The following MED16 variants were observed in gnomAD, a reference collection of about 807,000 sequenced individuals.
MED16 encodes the protein mediator complex subunit 16, also known as mediator of RNA polymerase II transcription subunit 16.
A neutral mutation model predicts 84.4 loss-of-function variants in MED16; 81 were observed. The observed-to-expected ratio is 0.96, with a 90% CI of 0.80 to 1.15. MED16 has a LOEUF of 1.15. MED16 is among the 50% of genes most tolerant of loss of function. MED16 has a pLI of 0.00. For missense variants in MED16, 1,585 were observed against 1,245.9 expected (o/e 1.27, Z -4.10); for synonymous variants, 897 against 552.2 (o/e 1.62, Z -8.76).
Position 871,240 on chromosome 19 carries a change from G to C in MED16, c.2112C>G (p.Gly704=), listed in dbSNP as rs2036045247. The change falls in exon 13 of 16, where the codon GGC becomes GGG. Residue 704 remains glycine, a synonymous_variant. Transcript: ENST00000325464. ...TKLWICCRDE[G]PASEPDEALV... Reference sequence around the variant, plus strand: ...GCGCCTCGTCCGGCTCGCTCGCTGGGCCCTCATCGCGACCTGCGGAGAGAG... The same window carrying C: ...GCGCCTCGTCCGGCTCGCTCGCTGGCCCCTCATCGCGACCTGCGGAGAGAG... 6.5e-7 allele frequency: 1 copy of C among 1,538,834 alleles called. No homozygotes were observed. Among genetic ancestry groups the C allele is most frequent in the Non-Finnish European group, 8.8e-7 (1 of 1,138,488 alleles).
At chr19:884,005 G>T (rs569620954) in intron 6 of MED16, among the ~76,000 whole-genome samples, 1 of 152,088 alleles carries the variant, frequency 6.6e-6, no homozygotes. Context: ...CGGCCACAAT[G>T]GGCAGTTGAC....
At chr19:869,004 C>T (rs748554299) in intron 13 of MED16, 58 bp from the exon 14 acceptor site, 37 of 1,440,150 alleles carry the variant, frequency 2.6e-5, no homozygotes, top group Non-Finnish European at 3.4e-5. Flanking sequence ...CAGGTTCCGG[C>T]AGGGGCATCT....
intron 2 of MED16, 48 bp downstream of exon 2, chr19:890,915 C>A: frequency 6.3e-7 from 1 of 1,592,224 alleles, no homozygotes; most frequent in South Asian, 1.1e-5. Flanking sequence ...GGGAACAGGG[C>A]GGGACACCAT....
At chr19:885,648 C>T (rs1422472500) in intron 5 of MED16, 122 bp downstream of exon 5, 26 of 1,186,928 alleles carry the variant, frequency 2.2e-5, no homozygotes, top group Non-Finnish European at 2.9e-5. Flanking sequence ...CGGGAGGGAC[C>T]GGCCCTGCCC....
intron 14 of MED16, 108 bp from the exon 15 acceptor site, chr19:868,607 G>T: frequency 2.1e-6 from 3 of 1,434,302 alleles, no homozygotes; most frequent in Non-Finnish European, 2.8e-6. Context: ...CGTCCCTCAC[G>T]CCTGCTCCCC....
intron 4 of MED16, among the ~76,000 whole-genome samples, chr19:889,185 T>TC (rs200150591): frequency 0.011 from 1,307 of 119,628 alleles, 28 homozygotes; most frequent in African/African-American, 0.036. Context: ...ATCTTAACTG[T>TC]CCCCCCCAAC....
intron 8 of MED16, among the ~76,000 whole-genome samples, chr19:879,520 T>A (rs1228373327): frequency 9.2e-6 from 1 of 108,954 alleles, no homozygotes; most frequent in Non-Finnish European, 1.7e-5. Context: ...CGCCTTTCCC[T>A]GGTTGTCAAT....
intron 12 of MED16, 131 bp from the exon 13 acceptor site, chr19:871,384 G>A (rs1466032493): frequency 1.5e-6 from 2 of 1,307,512 alleles, no homozygotes; most frequent in Non-Finnish European, 2.1e-6. Flanking sequence ...CTGGCTGGGT[G>A]ACCCCGGGGT....
chr19:868,325 CAG>C lies in MED16; in HGVS notation c.2484-76_2484-75del, dbSNP rs754108976. On this transcript the variant is annotated intron_variant, in intron 15 of 15. Coordinates refer to ENST00000325464, the MANE Select transcript of MED16 (RefSeq NM_005481.3). ...CGGTGGCTCTTGCAGCAGCCGGGCTCAGGGGCAGCTGAGGGGTAGCTGAGGAG... is the reference window on the plus strand; with the variant it reads ...CGGTGGCTCTTGCAGCAGCCGGGCTCGGGCAGCTGAGGGGTAGCTGAGGAG... 2.7e-3 allele frequency: 4,239 copies of C among 1,557,004 alleles called. 11 individuals are homozygous for C. Among genetic ancestry groups the C allele is most frequent in the Middle Eastern group, 6.0e-3 (34 of 5,712 alleles).
At chr19:890,895 C>T (rs746804306) in intron 2 of MED16, 68 bp downstream of exon 2, 13 of 1,534,050 alleles carry the variant, frequency 8.5e-6, no homozygotes, top group African/African-American at 4.1e-5. Context: ...GGCAGTGGGC[C>T]GGGCACCTGG....
chr19:876,501 C>T (rs1249866152), intron 9 of MED16, among the ~76,000 whole-genome samples: 5 of 152,176 alleles, frequency 3.3e-5, no homozygotes, highest in African/African-American at 4.8e-5. Flanking sequence ...AGAGGGGAGC[C>T]GTCCAGGGGG....
In MED16 at chr19:871,174, G is replaced by T. The variant is rs1357331086; in HGVS notation, c.2178C>A (p.Ile726=). Residue 726 remains isoleucine (I), a synonymous_variant, in exon 13 of 16, where the codon ATC becomes ATA. Coordinates refer to ENST00000325464, the MANE Select transcript of MED16 (RefSeq NM_005481.3). ...ECCLLPSQLL[I]PSLDWLPASD... ...TGGCTGGCAGCCAGTCCAGGCTGGG[G>T]ATAAGCAGCTGGCTGGGCAGCAGGC... The T allele has an allele frequency of 3.2e-6, 5 of 1,549,324 alleles. No individual in the cohort carries two copies. In the South Asian group the frequency reaches 3.6e-5, roughly 11 times the overall value.
chr19:891,759 G>A (rs1438534690), intron 1 of MED16, among the ~76,000 whole-genome samples: 1 of 94,756 alleles, frequency 1.1e-5, no homozygotes, highest in Non-Finnish European at 2.1e-5. Context: ...AACACCTGTG[G>A]CCGAGGCGGG....
intron 13 of MED16, among the ~76,000 whole-genome samples, chr19:870,395 T>C (rs1235316350): frequency 6.6e-6 from 1 of 151,982 alleles, no homozygotes; most frequent in Non-Finnish European, 1.5e-5. Flanking sequence ...ACCGCCTCTA[T>C]ACCAAAAATA....
At position 890,159 on chromosome 19, in the gene MED16, G is replaced by A. The variant is rs532960163; in HGVS notation, c.255C>T (p.Thr85=). 14 of 1,550,964 alleles carry A rather than the reference G, an allele frequency of 9.0e-6. No homozygotes were observed. In the Admixed American group the frequency reaches 2.7e-4, roughly 30 times the overall value. Residue 85 remains threonine, a synonymous_variant, in exon 3 of 16, where the codon ACC becomes ACT. Transcript: ENST00000325464. Reference sequence around the variant, plus strand: ...CACCTGACTGGTCCCACTCCAGGCAGGTGATGGCCTCGTGGTGCTCTGAGG... The same window carrying A: ...CACCTGACTGGTCCCACTCCAGGCAAGTGATGGCCTCGTGGTGCTCTGAGG... ...SIPSEHHEAI[T]CLEWDQSGSR...
intron 1 of MED16, 197 bp downstream of exon 1, chr19:892,868 ACCCTGAGCCCCGAGCCCCGCG>A (rs1225476298): frequency 5.3e-5 from 7 of 132,106 alleles, no homozygotes; most frequent in Non-Finnish European, 4.9e-5. Flanking sequence ...TCCGCCGCAA[ACCCTGAGCCCCGAGCCCCGCG>A]CCCCGCGCCC....
At position 890,981 on chromosome 19, in the gene MED16, G is replaced by A. The variant is rs2036620287; in HGVS notation, c.151C>T (p.Leu51=). The A allele has an allele frequency of 1.2e-6, 2 of 1,613,880 alleles. No individual in the cohort carries two copies. Among genetic ancestry groups the A allele is most frequent in the African/African-American group, 1.3e-5 (1 of 75,062 alleles). The part of the protein sequence containing the change: ...CRNLIAFTMD[L]RSDDQDLTRM... ...GACGCACCCTGGTCATCGCTGCGCA[G>A]GTCCATGGTGAAGGCGATGAGATTT... Residue 51 remains leucine, a synonymous_variant, in exon 2 of 16, where the codon CTG becomes TTG. Coordinates refer to ENST00000325464, the MANE Select transcript of MED16 (RefSeq NM_005481.3).
chr19:890,106 C>G (rs1219819479), intron 3 of MED16, 31 bp downstream of exon 3: 2 of 1,509,674 alleles, frequency 1.3e-6, no homozygotes, highest in East Asian at 4.9e-5. Flanking sequence ...TCCGGGTCGC[C>G]ACCCCTGGCC....
chr19:872,774 G>A (rs1189357057), intron 11 of MED16: 2 of 186,322 alleles, frequency 1.1e-5, no homozygotes, highest in African/African-American at 4.8e-5. Context: ...GAGCTGGGGA[G>A]GGTAAGGGGT....
Sources: allele counts gnomAD v4.1 joint callset (sites outside exome capture counted in the v4.1 genomes callset), GRCh38; gene constraint gnomAD v4.1.1; transcripts MANE v1.5; gene names NCBI Gene and HGNC (gene_info 2026-07-23, HGNC 2026-07-21).